COLGALT2: variants seen among roughly 807,000 people sequenced by gnomAD.
COLGALT2 encodes the protein collagen beta(1-O)galactosyltransferase 2.
Under a neutral mutation model 73.4 loss-of-function variants are expected in COLGALT2, and 49 were observed. The ratio of observed to expected loss-of-function variants is 0.67; its 90% CI spans 0.53 to 0.85. The LOEUF (loss-of-function observed/expected upper bound fraction) is 0.85, where lower values mean the gene tolerates loss of function less well. Ranked by LOEUF, COLGALT2 falls within the 40% of genes least tolerant of loss-of-function variation. COLGALT2 has a pLI of 0.00. For synonymous variants in COLGALT2, 295 were observed against 307.6 expected (o/e 0.96, Z 0.43); for missense variants, 722 against 790.2 (o/e 0.91, Z 1.03).
chr1:183,933,095 C>G (rs1247017629), downstream of COLGALT2, among the ~76,000 whole-genome samples: 1 of 152,190 alleles, frequency 6.6e-6, no homozygotes, highest in Non-Finnish European at 1.5e-5. Context: ...TCAATCTCTC[C>G]CATAGTTGCA....
chr1:183,981,434 T>C lies in COLGALT2; in HGVS notation c.264-2914A>G, dbSNP rs550331454. ...TTGGGAGGCCAAGGTGAGCAGATCATTTGAGGTCAGGAGTTTGAGACCAGC... is the reference window on the plus strand; with the variant it reads ...TTGGGAGGCCAAGGTGAGCAGATCACTTGAGGTCAGGAGTTTGAGACCAGC... On this transcript the variant is annotated intron_variant, in intron 1 of 11. Transcript: ENST00000361927. Among the ~76,000 whole-genome samples the C allele has an allele frequency of 3.9e-5, 6 of 151,966 alleles. No homozygotes were observed. The South Asian group carries it at 6.2e-4, about 16-fold the overall frequency.
intron 10 of COLGALT2, among the ~76,000 whole-genome samples, chr1:183,942,766 G>A (rs1418276522): frequency 4.6e-5 from 7 of 152,226 alleles, no homozygotes; most frequent in Non-Finnish European, 7.3e-5. Flanking sequence ...TGATCAACCT[G>A]TGAAATTTAG....
chr1:183,980,170 G>T (rs1044417582), intron 1 of COLGALT2, among the ~76,000 whole-genome samples: 1 of 151,656 alleles, frequency 6.6e-6, no homozygotes, highest in Non-Finnish European at 1.5e-5. Context: ...AAATAAATGA[G>T]TTAAATTTCT....
chr1:183,934,267 T>G (rs575993295), downstream of COLGALT2, among the ~76,000 whole-genome samples: 6 of 152,338 alleles, frequency 3.9e-5, no homozygotes, highest in Admixed American at 2.0e-4. Flanking sequence ...TATAATGTAC[T>G]AAAATCTACC....
chr1:184,010,382 C>T (rs1672203096), intron 1 of COLGALT2, among the ~76,000 whole-genome samples: 1 of 152,200 alleles, frequency 6.6e-6, no homozygotes, highest in Non-Finnish European at 1.5e-5. Flanking sequence ...ACTGTGTCTA[C>T]AGGTATTTAC....
intron 1 of COLGALT2, among the ~76,000 whole-genome samples, chr1:183,982,669 T>A (rs1347246954): frequency 6.6e-6 from 1 of 152,184 alleles, no homozygotes; most frequent in Non-Finnish European, 1.5e-5. Flanking sequence ...GCACACACCC[T>A]TAGTCCTAGC....
chr1:183,995,240 G>A (rs148426891), intron 1 of COLGALT2, among the ~76,000 whole-genome samples: 1 of 152,132 alleles, frequency 6.6e-6, no homozygotes, highest in Admixed American at 6.5e-5. Context: ...CCAATAAAAG[G>A]CATTTGGCCC....
At chr1:183,990,800 G>T (rs1338949760) in intron 1 of COLGALT2, among the ~76,000 whole-genome samples, 1 of 152,242 alleles carries the variant, frequency 6.6e-6, no homozygotes, top group Non-Finnish European at 1.5e-5. Flanking sequence ...CGAGATGGCT[G>T]TAAGGTGTTA....
At chr1:184,017,889 T>C (rs1649056829) in intron 1 of COLGALT2, among the ~76,000 whole-genome samples, 1 of 152,184 alleles carries the variant, frequency 6.6e-6, no homozygotes, top group Non-Finnish European at 1.5e-5. Context: ...ACTACTACTA[T>C]GTGTTTCACA....
At chr1:183,972,950 T>C (rs545189843) in intron 4 of COLGALT2, among the ~76,000 whole-genome samples, 42 of 152,308 alleles carry the variant, frequency 2.8e-4, no homozygotes, top group East Asian at 9.6e-4. Flanking sequence ...CCGCCCGCCT[T>C]GGCCTCCCAA....
chr1:183,997,441 A>T (rs1377631444), intron 1 of COLGALT2, among the ~76,000 whole-genome samples: 1 of 152,142 alleles, frequency 6.6e-6, no homozygotes. Context: ...ATTTTTGGTT[A>T]TTAATTCCCT....
At chr1:183,941,567 AG>A (rs1326507105) in intron 10 of COLGALT2, among the ~76,000 whole-genome samples, 1 of 152,234 alleles carries the variant, frequency 6.6e-6, no homozygotes, top group African/African-American at 2.4e-5. Context: ...GAGCAACCTG[AG>A]GAGTTGCCTC....
intron 1 of COLGALT2, among the ~76,000 whole-genome samples, chr1:184,030,435 A>T (rs1649473625): frequency 6.6e-6 from 1 of 152,240 alleles, no homozygotes; most frequent in African/African-American, 2.4e-5. Context: ...TTGTTATGCT[A>T]TGTCAAGAAA....
At chr1:183,971,995 A>T (rs2102814642) in intron 4 of COLGALT2, among the ~76,000 whole-genome samples, 1 of 152,370 alleles carries the variant, frequency 6.6e-6, no homozygotes, top group Non-Finnish European at 1.5e-5. Flanking sequence ...TCCCACAAAG[A>T]GCCAGTTATT....
chr1:183,968,670 T>A (rs1670947694), intron 5 of COLGALT2, among the ~76,000 whole-genome samples: 1 of 152,170 alleles, frequency 6.6e-6, no homozygotes, highest in Non-Finnish European at 1.5e-5. Flanking sequence ...AACTTCTGGA[T>A]TGCACACTTC....
chr1:183,986,821 G>A (rs1671502258), intron 1 of COLGALT2, among the ~76,000 whole-genome samples: 1 of 152,060 alleles, frequency 6.6e-6, no homozygotes, highest in Non-Finnish European at 1.5e-5. Flanking sequence ...GTTATGATTT[G>A]CTCAAGTCAT....
intron 1 of COLGALT2, among the ~76,000 whole-genome samples, chr1:184,031,344 C>T (rs1016019995): frequency 2.0e-5 from 3 of 152,150 alleles, no homozygotes. Context: ...TATTTATGTA[C>T]AACCCACATT....
At chr1:183,998,705 A>G (rs1350885445) in intron 1 of COLGALT2, among the ~76,000 whole-genome samples, 2 of 152,062 alleles carry the variant, frequency 1.3e-5, no homozygotes, top group Non-Finnish European at 2.9e-5. Context: ...ATGTACATCT[A>G]TGTCTCCACA....
chr1:184,008,081 C>T (rs1036921072), intron 1 of COLGALT2, among the ~76,000 whole-genome samples: 2 of 152,140 alleles, frequency 1.3e-5, no homozygotes, highest in Non-Finnish European at 2.9e-5. Context: ...ATACATTAAC[C>T]AAGTGATCAA....
Sources: allele counts gnomAD v4.1 joint callset (sites outside exome capture counted in the v4.1 genomes callset), GRCh38; gene constraint gnomAD v4.1.1; transcripts MANE v1.5; gene names NCBI Gene and HGNC (gene_info 2026-07-23, HGNC 2026-07-21).